The following CDH4 variants were observed in gnomAD, a reference collection of about 807,000 sequenced individuals.
CDH4 encodes the protein cadherin-4.
In CDH4, 33 loss-of-function variants were observed where a neutral mutation model predicts 86.0. The ratio of observed to expected loss-of-function variants is 0.38; its 90% CI spans 0.29 to 0.51. CDH4 has a LOEUF of 0.51. Ranked by LOEUF, CDH4 falls within the 20% of genes least tolerant of loss-of-function variation. The pLI is 0.86. For synonymous variants in CDH4, 555 were observed against 549.4 expected (o/e 1.01, Z -0.14); for missense variants, 1,114 against 1,307.4 (o/e 0.85, Z 2.28).
At chr20:61,340,177 G>T (rs1350469790) in intron 2 of CDH4, among the ~76,000 whole-genome samples, 1 of 152,174 alleles carries the variant, frequency 6.6e-6, no homozygotes, top group African/African-American at 2.4e-5. Context: ...GTGAAGGGAA[G>T]GGGAGCTAGC....
At chr20:61,372,213 C>T (rs1324667508) in intron 2 of CDH4, among the ~76,000 whole-genome samples, 1 of 152,220 alleles carries the variant, frequency 6.6e-6, no homozygotes, top group Non-Finnish European at 1.5e-5. Flanking sequence ...CCTGATGGCC[C>T]AGCCGTTGTC....
intron 2 of CDH4, among the ~76,000 whole-genome samples, chr20:61,489,400 T>A (rs1252882961): frequency 1.3e-5 from 2 of 152,260 alleles, no homozygotes; most frequent in African/African-American, 2.4e-5. Flanking sequence ...TATGGCCCAG[T>A]AGTTTCTTTC....
intron 2 of CDH4, among the ~76,000 whole-genome samples, chr20:61,540,150 AC>A (rs1322653747): frequency 2.0e-5 from 3 of 152,286 alleles, no homozygotes; most frequent in South Asian, 4.1e-4. Context: ...AGGGCCTGGC[AC>A]CACATGGACA....
chr20:61,462,352 A>G (rs1260029715), intron 2 of CDH4, among the ~76,000 whole-genome samples: 4 of 152,182 alleles, frequency 2.6e-5, no homozygotes, highest in Admixed American at 6.5e-5. Context: ...TGCATCCTCC[A>G]TGGGGAAGAA....
intron 3 of CDH4, among the ~76,000 whole-genome samples, chr20:61,750,588 G>T (rs565455158): frequency 1.9e-4 from 29 of 152,324 alleles, no homozygotes; most frequent in African/African-American, 6.5e-4. Context: ...AAGAGGAATT[G>T]CTCTCCCAAA....
In CDH4 at chr20:61,937,123, C is replaced by G. The variant is rs1305023544; in HGVS notation, c.*180C>G. On this transcript the variant is annotated 3_prime_UTR_variant, in exon 16 of 16. Coordinates refer to ENST00000614565, the MANE Select transcript of CDH4 (RefSeq NM_001794.5). The stretch of plus-strand genomic sequence containing the variant: ...GCACCCACCCCCACAGCGCCCTGCA[C>G]CCGGCCGCTGCCCAGCACCGCGCTG... 1 of 446,836 alleles carries G rather than the reference C, an allele frequency of 2.2e-6. No individual in the cohort carries two copies. Among genetic ancestry groups the G allele is most frequent in the Non-Finnish European group, 3.8e-6 (1 of 259,992 alleles). The allele number at this position is 446,836 out of a possible 1,614,324, so 27.7% of individuals were successfully genotyped here.
chr20:61,565,382 TGGTGATGG>T (rs1568689250), intron 2 of CDH4, among the ~76,000 whole-genome samples: 1 of 57,844 alleles, frequency 1.7e-5, no homozygotes, highest in African/African-American at 7.8e-5. Context: ...GTGGTCCTCT[TGGTGATGG>T]GGTGATGGTG....
At chr20:61,451,295 C>T (rs545465813) in intron 2 of CDH4, among the ~76,000 whole-genome samples, 1 of 152,214 alleles carries the variant, frequency 6.6e-6, no homozygotes, top group East Asian at 1.9e-4. Context: ...GCACGGACCA[C>T]CATGGAGCAT....
chr20:61,888,417 A>C (rs1459169040), intron 7 of CDH4, among the ~76,000 whole-genome samples: 1 of 152,218 alleles, frequency 6.6e-6, no homozygotes, highest in Non-Finnish European at 1.5e-5. Context: ...GAAGGAGAAC[A>C]CAGCCAGGGT....
At position 61,254,808 on chromosome 20, in the gene CDH4, T is replaced by A; in HGVS notation, c.58-18T>A. On this transcript the variant is annotated intron_variant, in intron 1 of 15. Coordinates refer to ENST00000614565, the MANE Select transcript of CDH4 (RefSeq NM_001794.5). ...TCTGTGAACTTATTGTTTTACACTCTCCCCTTTGTGTTCTCAGGCCCATAA... is the reference window on the plus strand; with the variant it reads ...TCTGTGAACTTATTGTTTTACACTCACCCCTTTGTGTTCTCAGGCCCATAA... 1 of 1,388,604 alleles carries A rather than the reference T, an allele frequency of 7.2e-7. No individual in the cohort carries two copies. Among genetic ancestry groups the A allele is most frequent in the Non-Finnish European group, 1.0e-6 (1 of 974,462 alleles). 86.0% of individuals were successfully genotyped at this position (1,388,604 alleles called of 1,614,324 possible). A position where few individuals can be genotyped will look rare whatever the true frequency, so the allele number is the denominator to read the frequency against.
intron 2 of CDH4, among the ~76,000 whole-genome samples, chr20:61,293,729 A>G (rs1444250881): frequency 6.6e-6 from 1 of 152,154 alleles, no homozygotes; most frequent in Non-Finnish European, 1.5e-5. Context: ...CTCCTAAATT[A>G]TGAGCCCTTC....
intron 4 of CDH4, among the ~76,000 whole-genome samples, chr20:61,826,871 G>C (rs1981341485): frequency 6.6e-6 from 1 of 151,962 alleles, no homozygotes; most frequent in Admixed American, 6.6e-5. Flanking sequence ...CCACAGAGAG[G>C]TCTGAAGACA....
At chr20:61,316,922 G>A (rs959174686) in intron 2 of CDH4, among the ~76,000 whole-genome samples, 12 of 152,172 alleles carry the variant, frequency 7.9e-5, no homozygotes, top group Non-Finnish European at 1.3e-4. Flanking sequence ...TCCCTCAGGT[G>A]CGTGCAGCCT....
At chr20:61,416,195 T>G (rs1030952295) in intron 2 of CDH4, among the ~76,000 whole-genome samples, 6 of 151,798 alleles carry the variant, frequency 4.0e-5, no homozygotes, top group African/African-American at 1.2e-4. Flanking sequence ...AGAGACAGGG[T>G]TTCACCATGT....
chr20:61,635,705 G>T (rs1202139292), intron 2 of CDH4, among the ~76,000 whole-genome samples: 1 of 152,204 alleles, frequency 6.6e-6, no homozygotes, highest in Non-Finnish European at 1.5e-5. Context: ...GTAGGAGGAG[G>T]AGGATTCTCT....
chr20:61,363,221 C>T (rs777899420), intron 2 of CDH4, among the ~76,000 whole-genome samples: 3 of 152,100 alleles, frequency 2.0e-5, no homozygotes, highest in Non-Finnish European at 2.9e-5. Context: ...TCCTCCCATC[C>T]GTTTGTTCTT....
intron 2 of CDH4, among the ~76,000 whole-genome samples, chr20:61,539,609 G>A (rs1414315926): frequency 6.6e-6 from 1 of 152,202 alleles, no homozygotes; most frequent in Non-Finnish European, 1.5e-5. Flanking sequence ...ATGTTCTGAC[G>A]GGATTAGGAC....
chr20:61,500,061 G>A, intron 2 of CDH4, among the ~76,000 whole-genome samples: 1 of 152,338 alleles, frequency 6.6e-6, no homozygotes, highest in South Asian at 2.1e-4. Context: ...CTGGGTGTGA[G>A]GGCTGTCACT....
chr20:61,387,807 C>T (rs1043264490), intron 2 of CDH4, among the ~76,000 whole-genome samples: 1 of 152,216 alleles, frequency 6.6e-6, no homozygotes, highest in African/African-American at 2.4e-5. Context: ...GACAAGCCCG[C>T]ACCGGCCCGT....
Sources: gnomAD v4.1 joint callset for allele counts (sites outside exome capture counted in the v4.1 genomes callset) on GRCh38, gnomAD v4.1.1 for gene constraint, MANE v1.5 for transcripts, NCBI Gene and HGNC (gene_info 2026-07-23, HGNC 2026-07-21) for gene names.